The following CKAP5 variants were observed in gnomAD, a reference collection of about 807,000 sequenced individuals.
CKAP5 encodes cytoskeleton associated protein 5, also known as cytoskeleton-associated protein 5.
CKAP5 carries 27 observed loss-of-function variants against 232.8 expected under a neutral mutation model. The ratio of observed to expected loss-of-function variants is 0.12; its 90% CI spans 0.09 to 0.16. CKAP5 has a LOEUF of 0.16. Ranked by LOEUF, CKAP5 falls within the 10% of genes least tolerant of loss-of-function variation. The pLI is 1.00. For missense variants in CKAP5, 1,838 were observed against 2,424.7 expected, an observed-to-expected ratio of 0.76 and a Z score of 5.08; for synonymous variants, 785 against 841.1, an observed-to-expected ratio of 0.93 and a Z score of 1.16.
intron 18 of CKAP5, 76 bp downstream of exon 18, chr11:46,783,198 C>T: frequency 1.3e-6 from 1 of 783,716 alleles, no homozygotes; most frequent in Non-Finnish European, 2.1e-6. Flanking sequence ...ACAGCAATAG[C>T]TATTATTATA....
chr11:46,785,128 A>T (rs550610222), intron 16 of CKAP5, among the ~76,000 whole-genome samples: 3 of 152,326 alleles, frequency 2.0e-5, no homozygotes, highest in African/African-American at 7.2e-5. Context: ...ATTTTAGAGA[A>T]CTTGTTGGCT....
At chr11:46,780,126 C>A in intron 20 of CKAP5, 68 bp downstream of exon 20, 1 of 1,560,672 alleles carries the variant, frequency 6.4e-7, no homozygotes, top group East Asian at 2.2e-5. Flanking sequence ...CACCACTACA[C>A]CCAACAGTTT....
At chr11:46,837,620 C>T (rs1289054117) in intron 1 of CKAP5, among the ~76,000 whole-genome samples, 1 of 151,920 alleles carries the variant, frequency 6.6e-6, no homozygotes, top group African/African-American at 2.4e-5. Flanking sequence ...ACAAGATGAG[C>T]CTGGAACATT....
intron 9 of CKAP5, among the ~76,000 whole-genome samples, 158 bp downstream of exon 9, chr11:46,801,042 G>C (rs12272567): frequency 1.3e-5 from 2 of 152,162 alleles, no homozygotes; most frequent in Non-Finnish European, 2.9e-5. Flanking sequence ...AAATTTCTAA[G>C]ATATATCTAT....
chr11:46,752,219 C>CACACAT (rs60356282), intron 38 of CKAP5, among the ~76,000 whole-genome samples: 3,997 of 85,240 alleles, frequency 0.047, 207 homozygotes, highest in Non-Finnish European at 0.072. Context: ...CACACACACA[C>CACACAT]ACACACACAC....
Position 46,783,329 on chromosome 11 carries a change from G to C in CKAP5, c.2194C>G (p.Gln732Glu). The change falls in exon 18 of 44, where the codon CAG becomes GAG. Residue 732 changes from glutamine to glutamate, a missense_variant. Transcript: ENST00000529230. ...MAFSQKNPKN[Q>E]SETLNWLSNA... ...GATAGCCAATTCAGAGTTTCTGACT[G>C]ATTTTTGGGATTCTTTTGTGAGAAA... 6.2e-7 allele frequency: 1 copy of C among 1,612,324 alleles called. No individual in the cohort carries two copies. Among genetic ancestry groups the C allele is most frequent in the Non-Finnish European group, 8.5e-7 (1 of 1,179,246 alleles).
Position 46,784,487 on chromosome 11 carries a change from C to T in CKAP5, c.2154+1G>A. 1 of 1,610,474 alleles carries T rather than the reference C, an allele frequency of 6.2e-7. No homozygotes were observed. On this transcript the variant is annotated splice_donor_variant, in intron 17 of 43. Coordinates refer to ENST00000529230, the MANE Select transcript of CKAP5 (RefSeq NM_001008938.4). LOFTEE classifies it high-confidence loss of function. ...AGGAATAAGACTTCTGTGTCACTAA[C>T]CTGTTCAGCAGTCCATGGTAACATA...
intron 30 of CKAP5, 98 bp downstream of exon 30, chr11:46,762,878 G>C (rs571182559): frequency 7.0e-7 from 1 of 1,436,874 alleles, no homozygotes; most frequent in Non-Finnish European, 9.7e-7. Flanking sequence ...GGAAGGTACC[G>C]TGATATAATC....
chr11:46,762,290 T>G, intron 31 of CKAP5, 97 bp from the exon 32 acceptor site: 604 of 969,782 alleles, frequency 6.2e-4, no homozygotes, highest in Non-Finnish European at 8.8e-4. Context: ...TATGAAGGAC[T>G]AAAACCTTAC....
intron 24 of CKAP5, among the ~76,000 whole-genome samples, chr11:46,775,550 T>C (rs1180282881): frequency 6.6e-6 from 1 of 152,164 alleles, no homozygotes; most frequent in Non-Finnish European, 1.5e-5. Flanking sequence ...CTATTCACAA[T>C]AGCAAAGACT....
intron 1 of CKAP5, chr11:46,826,783 C>A: frequency 6.5e-6 from 1 of 154,106 alleles, no homozygotes; most frequent in South Asian, 1.8e-4. Flanking sequence ...AGGGAGAGGT[C>A]AGGGAAGCTA....
intron 25 of CKAP5, 79 bp from the exon 26 acceptor site, chr11:46,770,177 G>T: frequency 6.9e-7 from 1 of 1,454,872 alleles, no homozygotes; most frequent in South Asian, 1.2e-5. Context: ...CAAATCCTCT[G>T]TCAAACAAAT....
Position 46,778,550 on chromosome 11 carries a change from C to T in CKAP5, c.2483G>A (p.Ser828Asn). The T allele has an allele frequency of 1.2e-6, 2 of 1,614,062 alleles. No homozygotes were observed. Among genetic ancestry groups the T allele is most frequent in the Non-Finnish European group, 1.7e-6 (2 of 1,179,946 alleles). ...PAPTRGISKHSTSGTDEGEDG... is the reference protein window; with the variant it reads ...PAPTRGISKHNTSGTDEGEDG... The stretch of plus-strand genomic sequence containing the variant: ...TTCTCCTTCATCTGTACCACTTGTG[C>T]TATGCTTGGAAATTCCTCTGGTTGG... Residue 828 changes from serine (S) to asparagine (N), a missense_variant, in exon 21 of 44, where the codon AGC (serine) becomes AAC (asparagine). By Grantham distance (46) the Ser-to-Asn change is conservative. Coordinates refer to ENST00000529230, the MANE Select transcript of CKAP5 (RefSeq NM_001008938.4).
At position 46,750,586 on chromosome 11, in the gene CKAP5, A is replaced by C. The variant is rs761509561; in HGVS notation, c.5486T>G (p.Val1829Gly). ...RIDEKSSKAK[V>G]NDFLAEIFKK... ...AAAAATCTCAGCTAAGAAATCATTC[A>C]CTTTGGCCTTTGATGATTTTTCATC... is the stretch of plus-strand genomic sequence containing the variant. Residue 1829 changes from valine (V) to glycine (G), a missense_variant, in exon 41 of 44, where the codon GTG becomes GGG. By Grantham distance (109) the Val-to-Gly change is moderately radical. This residue lies in a region of CKAP5 where 579 missense variants were observed against 843.2 expected (regional missense o/e 0.69). Transcript: ENST00000529230. 2 of 1,613,660 alleles carry C rather than the reference A, an allele frequency of 1.2e-6. No homozygotes were observed. Among genetic ancestry groups the C allele is most frequent in the Non-Finnish European group, 8.5e-7 (1 of 1,179,808 alleles).
chr11:46,781,708 A>AT (rs990110225), intron 18 of CKAP5, among the ~76,000 whole-genome samples: 13 of 151,960 alleles, frequency 8.6e-5, no homozygotes, highest in African/African-American at 2.7e-4. Context: ...CTCAAATGTC[A>AT]TTTTTTCAGG....
intron 39 of CKAP5, 23 bp downstream of exon 39, chr11:46,751,323 G>C (rs1264737652): frequency 6.2e-7 from 1 of 1,613,814 alleles, no homozygotes; most frequent in Non-Finnish European, 8.5e-7. Context: ...CTCCCTCAGA[G>C]ACCAGTTGCG....
rs779228603 is a variant in CKAP5, at chr11:46,809,865, G to C, written c.640C>G (p.Leu214Val). Residue 214 changes from leucine (L) to valine (V), a missense_variant, in exon 6 of 44, where the codon CTA (leucine) becomes GTA (valine). By Grantham distance (32) the Leu-to-Val change is conservative (BLOSUM62 1). This residue lies in a region of CKAP5 where 285 missense variants were observed against 300.0 expected (regional missense o/e 0.95). Coordinates refer to ENST00000529230, the MANE Select transcript of CKAP5 (RefSeq NM_001008938.4). ...GGCAGTTTGACCCATTCTTCTTCTA[G>C]TTCTTTCAACTGCAAATGTCATATA... The part of the protein sequence containing the change: ...QNINSVQLKE[L>V]EEEWVKLPTS... The C allele has an allele frequency of 6.2e-7, 1 of 1,608,574 alleles. No individual in the cohort carries two copies. Among genetic ancestry groups the C allele is most frequent in the South Asian group, 1.1e-5 (1 of 88,866 alleles).
chr11:46,793,479 G>GGT (rs1938789726), intron 13 of CKAP5, among the ~76,000 whole-genome samples: 1 of 152,218 alleles, frequency 6.6e-6, no homozygotes, highest in African/African-American at 2.4e-5. Context: ...ACTGTACAAA[G>GGT]GTGTAAACAC....
chr11:46,761,181 C>G (rs927245307), intron 32 of CKAP5, among the ~76,000 whole-genome samples: 1 of 146,458 alleles, frequency 6.8e-6, no homozygotes, highest in African/African-American at 2.6e-5. Flanking sequence ...CCTGGGAGGT[C>G]GAGGCTGCGG....
Sources: gnomAD v4.1 joint callset for allele counts (sites outside exome capture counted in the v4.1 genomes callset) on GRCh38, gnomAD v4.1.1 for gene constraint, gnomAD v4.1.1 regional missense constraint, MANE v1.5 for transcripts, NCBI Gene and HGNC (gene_info 2026-07-23, HGNC 2026-07-21) for gene names.